CALN1: variants seen among roughly 807,000 people sequenced by gnomAD.
The protein encoded by CALN1 is calneuron 1, also known as calcium-binding protein 8.
A neutral mutation model predicts 30.6 loss-of-function variants in CALN1; 17 were observed. The ratio of observed to expected loss-of-function variants is 0.56; its 90% confidence interval spans 0.38 to 0.83. The LOEUF is 0.83. Among genes scored for constraint, CALN1 ranks in the 40% least tolerant of loss-of-function variants. CALN1 has a pLI of 0.00. For synonymous variants in CALN1, 156 were observed against 131.4 expected, an observed-to-expected ratio of 1.19 and a Z score of -1.28; for missense variants, 291 against 354.9, an observed-to-expected ratio of 0.82 and a Z score of 1.45.
At chr7:71,978,259 A>ATTTTTTTTTT (rs1584662365) in intron 5 of CALN1, among the ~76,000 whole-genome samples, 3 of 115,612 alleles carry the variant, frequency 2.6e-5, no homozygotes, top group African/African-American at 7.6e-5. Flanking sequence ...ACTCTAGAGA[A>ATTTTTTTTTT]TTCTTTTTTT....
At chr7:72,068,008 C>G (rs1179697276) in intron 4 of CALN1, among the ~76,000 whole-genome samples, 1 of 152,198 alleles carries the variant, frequency 6.6e-6, no homozygotes, top group African/African-American at 2.4e-5. Context: ...GCTTGGCTAC[C>G]AGATAATGAG....
chr7:72,375,932 CCAAA>C (rs904403120), intron 2 of CALN1, among the ~76,000 whole-genome samples: 70 of 152,310 alleles, frequency 4.6e-4, no homozygotes, highest in African/African-American at 1.6e-3. Context: ...TCTCCCCATC[CCAAA>C]CACTTATCTA....
At chr7:72,478,217 A>G in the CALN1 span, among the ~76,000 whole-genome samples, 1 of 149,576 alleles carries the variant, frequency 6.7e-6, no homozygotes, top group African/African-American at 2.4e-5. Flanking sequence ...TCTACAAAAT[A>G]TACATATGTA....
intron 1 of CALN1, among the ~76,000 whole-genome samples, chr7:72,419,505 T>A (rs1807539898): frequency 6.6e-6 from 1 of 152,148 alleles, no homozygotes; most frequent in African/African-American, 2.4e-5. Context: ...TTCTTGGCTT[T>A]GACTGCATGA....
chr7:71,910,216 G>A (rs1794354826), intron 5 of CALN1, among the ~76,000 whole-genome samples: 1 of 152,194 alleles, frequency 6.6e-6, no homozygotes, highest in Admixed American at 6.5e-5. Context: ...ATCATCTTAT[G>A]ATGCTGCCAT....
chr7:72,317,618 C>G (rs935432365), intron 2 of CALN1, among the ~76,000 whole-genome samples: 4 of 152,122 alleles, frequency 2.6e-5, no homozygotes, highest in African/African-American at 9.7e-5. Context: ...TGCTGCCACT[C>G]AGAGAAGAAC....
At chr7:72,402,965 CTGTAAGT>C (rs1471317191) in intron 2 of CALN1, among the ~76,000 whole-genome samples, 4 of 152,198 alleles carry the variant, frequency 2.6e-5, no homozygotes, top group Non-Finnish European at 4.4e-5. Context: ...AGTCCACACT[CTGTAAGT>C]TGTATTTGTC....
chr7:72,365,097 G>T (rs1368884020), intron 2 of CALN1, among the ~76,000 whole-genome samples: 2 of 152,278 alleles, frequency 1.3e-5, no homozygotes, highest in East Asian at 3.9e-4. Context: ...CTGAGGTCAG[G>T]AGTTCGAGAT....
At chr7:72,187,173 G>A (rs1017212042) in intron 3 of CALN1, among the ~76,000 whole-genome samples, 2 of 151,870 alleles carry the variant, frequency 1.3e-5, no homozygotes, top group African/African-American at 4.8e-5. Flanking sequence ...TTTTTTGTGG[G>A]AAAAACAGGA....
chr7:72,342,050 G>C (rs1802410059), intron 2 of CALN1, among the ~76,000 whole-genome samples: 1 of 151,970 alleles, frequency 6.6e-6, no homozygotes, highest in Non-Finnish European at 1.5e-5. Flanking sequence ...TTGGGAATTT[G>C]AGACCAGCCA....
chr7:72,247,644 A>G (rs1795282364), intron 3 of CALN1, among the ~76,000 whole-genome samples: 1 of 152,106 alleles, frequency 6.6e-6, no homozygotes, highest in African/African-American at 2.4e-5. Context: ...AGACATCTGT[A>G]TTTGTTTCCT....
intron 1 of CALN1, among the ~76,000 whole-genome samples, chr7:72,443,941 G>A (rs1808440940): frequency 7.2e-6 from 1 of 138,822 alleles, no homozygotes; most frequent in Non-Finnish European, 1.6e-5. Context: ...GGAGGTGGAG[G>A]ATGCAGTGAG....
At chr7:71,854,954 C>A in intron 5 of CALN1, among the ~76,000 whole-genome samples, 1 of 152,262 alleles carries the variant, frequency 6.6e-6, no homozygotes, top group African/African-American at 2.4e-5. Flanking sequence ...CAATTCAAAA[C>A]GATGCTAACC....
At chr7:72,053,551 C>A (rs1563014187) in intron 4 of CALN1, among the ~76,000 whole-genome samples, 1 of 152,198 alleles carries the variant, frequency 6.6e-6, no homozygotes. Context: ...TCCCTTTACT[C>A]CCCAACCTTA....
At chr7:72,059,648 A>C (rs1435116425) in intron 4 of CALN1, among the ~76,000 whole-genome samples, 1 of 144,624 alleles carries the variant, frequency 6.9e-6, no homozygotes, top group Non-Finnish European at 1.6e-5. Flanking sequence ...TACCCACAGC[A>C]AAAGACTCAT....
rs146121636 is a variant in CALN1, at chr7:71,953,437, C to T, written c.501+70220G>A. On this transcript the variant is annotated intron_variant, in intron 5 of 6. Coordinates refer to ENST00000395275, the MANE Select transcript of CALN1 (RefSeq NM_031468.4). ...TCTTAAATGACCACTCCAGGCCACT[C>T]GAATTGCTGTCTCATTGGCAGGAGA... Among the ~76,000 whole-genome samples the T allele has an allele frequency of 4.4e-3, 674 of 152,286 alleles. 7 individuals carry two copies. Among genetic ancestry groups the T allele is most frequent in the African/African-American group, 0.016 (651 of 41,576 alleles).
At chr7:72,162,146 A>T (rs1788159173) in intron 3 of CALN1, among the ~76,000 whole-genome samples, 1 of 151,946 alleles carries the variant, frequency 6.6e-6, no homozygotes, top group African/African-American at 2.4e-5. Context: ...CATCTTTGCT[A>T]CTAGAGGCTC....
intron 2 of CALN1, among the ~76,000 whole-genome samples, chr7:72,313,862 G>A (rs1485178668): frequency 6.6e-6 from 1 of 152,158 alleles, no homozygotes; most frequent in Non-Finnish European, 1.5e-5. Context: ...ACAGAGGAAG[G>A]GAAGGGAGAG....
chr7:72,235,044 G>C (rs1250900410), intron 3 of CALN1, among the ~76,000 whole-genome samples: 1 of 152,116 alleles, frequency 6.6e-6, no homozygotes, highest in East Asian at 1.9e-4. Context: ...CAAGGTGAGA[G>C]AATCACTTCT....
Sources: allele counts gnomAD v4.1 joint callset (sites outside exome capture counted in the v4.1 genomes callset), GRCh38; gene constraint gnomAD v4.1.1; transcripts MANE v1.5; gene names NCBI Gene and HGNC (gene_info 2026-07-23, HGNC 2026-07-21).